The following XKR4 variants were observed in gnomAD, a reference collection of about 807,000 sequenced individuals.
XKR4 encodes XK-related protein 4.
A neutral mutation model predicts 53.9 loss-of-function variants in XKR4; 12 were observed. The ratio of observed to expected loss-of-function variants is 0.22; its 90% confidence interval spans 0.14 to 0.36. XKR4 has a LOEUF of 0.36. Ranked by LOEUF, XKR4 falls within the 10% of genes least tolerant of loss-of-function variation. The probability of loss-of-function intolerance (pLI) is 1.00; values close to 1 mark genes in which losing one functional copy is unlikely to be tolerated. For synonymous variants in XKR4, 354 were observed against 362.4 expected, an observed-to-expected ratio of 0.98 and a Z score of 0.26; for missense variants, 799 against 859.5, an observed-to-expected ratio of 0.93 and a Z score of 0.88.
At chr8:55,164,559 C>A in intron 1 of XKR4, 1 of 406,122 alleles carries the variant, frequency 2.5e-6, no homozygotes. Flanking sequence ...GAGGGTAGTG[C>A]TTATGGGCAA....
chr8:55,470,046 G>A (rs1005775494), intron 2 of XKR4, among the ~76,000 whole-genome samples: 1 of 152,098 alleles, frequency 6.6e-6, no homozygotes, highest in Non-Finnish European at 1.5e-5. Flanking sequence ...ACACAAAGGA[G>A]GAGGTACTCA....
In XKR4 at chr8:55,523,912, A is replaced by G; in HGVS notation, c.1638A>G (p.Leu546=). ...CCCCAGACGTGGCCACAAGCACCCT[A>G]CGGTCCATCTCCAACAACCGCAGTG... is the stretch of plus-strand genomic sequence containing the variant. ...TLPPDVATST[L]RSISNNRSVV... Residue 546 remains leucine (L), a synonymous_variant, in exon 3 of 3, where the codon CTA becomes CTG. Transcript: ENST00000327381. 1.2e-6 allele frequency: 2 copies of G among 1,614,128 alleles called. No homozygotes were observed.
intron 2 of XKR4, among the ~76,000 whole-genome samples, chr8:55,504,079 C>T (rs1001529665): frequency 4.6e-5 from 7 of 151,908 alleles, no homozygotes; most frequent in East Asian, 1.9e-4. Flanking sequence ...GTACAAAATC[C>T]GTTTAATATG....
rs553268075 is a variant in XKR4 at position 55,141,860 on chromosome 8, G to A, written c.806+38566G>A. Among the ~76,000 whole-genome samples the A allele has an allele frequency of 4.7e-3, 719 of 152,122 alleles. 4 individuals are homozygous for A. The highest frequency in any genetic ancestry group is 7.7e-3 in the Non-Finnish European group (523 of 67,998). On this transcript the variant is annotated intron_variant, in intron 1 of 2. Transcript: ENST00000327381. ...GGGCTTTGAATCAAGCAGCTCTAAG[G>A]GGCATAGAGGGGTGGGGGGTCCCGT...
At chr8:55,299,474 T>A (rs964828481) in intron 1 of XKR4, among the ~76,000 whole-genome samples, 3 of 152,156 alleles carry the variant, frequency 2.0e-5, no homozygotes, top group Admixed American at 6.6e-5. Context: ...GCATTGGGGA[T>A]CACTGGGGAA....
chr8:55,333,075 A>T (rs1309519079), intron 1 of XKR4, among the ~76,000 whole-genome samples: 1 of 151,896 alleles, frequency 6.6e-6, no homozygotes, highest in Non-Finnish European at 1.5e-5. Flanking sequence ...CTTTTTAAAA[A>T]TTTTATTTCT....
intron 1 of XKR4, among the ~76,000 whole-genome samples, chr8:55,299,105 G>C (rs370550680): frequency 6.6e-6 from 1 of 152,012 alleles, no homozygotes; most frequent in African/African-American, 2.4e-5. Flanking sequence ...TGTCTCTTTC[G>C]TTTTCGTCAG....
chr8:55,145,110 G>A (rs1353077126), intron 1 of XKR4, among the ~76,000 whole-genome samples: 1 of 152,148 alleles, frequency 6.6e-6, no homozygotes, highest in Non-Finnish European at 1.5e-5. Context: ...GGGATTATAG[G>A]TGTGAGCCAC....
chr8:55,270,744 A>T (rs1307383999), intron 1 of XKR4, among the ~76,000 whole-genome samples: 1 of 152,216 alleles, frequency 6.6e-6, no homozygotes, highest in African/African-American at 2.4e-5. Flanking sequence ...TTATCCTCAC[A>T]GGTAGCAGAG....
intron 2 of XKR4, among the ~76,000 whole-genome samples, chr8:55,473,803 CTTCCTTCTTTCCTCCCTTCT>C (rs1419155698): frequency 2.6e-5 from 4 of 151,172 alleles, no homozygotes; most frequent in Admixed American, 6.6e-5. Context: ...TCCTTCCTTC[CTTCCTTCTTTCCTCCCTTCT>C]TTCCTTCTTT....
In XKR4 at chr8:55,208,615, C is replaced by T. The variant is rs182778253; in HGVS notation, c.806+105321C>T. Among the ~76,000 whole-genome samples the T allele has an allele frequency of 2.4e-3, 361 of 152,000 alleles. 2 individuals carry two copies. The East Asian group carries it at 0.037, about 15-fold the overall frequency. On this transcript the variant is annotated intron_variant, in intron 1 of 2. Coordinates refer to ENST00000327381, the MANE Select transcript of XKR4 (RefSeq NM_052898.2). Reference sequence around the variant, plus strand: ...CCAAGTAGCTAGGAGTACAGGCGCCCACCACCACACCCAGCTAATTTTTGT... The same window carrying T: ...CCAAGTAGCTAGGAGTACAGGCGCCTACCACCACACCCAGCTAATTTTTGT...
chr8:55,134,474 G>T (rs1020953867), intron 1 of XKR4, among the ~76,000 whole-genome samples: 2 of 152,202 alleles, frequency 1.3e-5, no homozygotes, highest in African/African-American at 4.8e-5. Context: ...AGAAGGCAGA[G>T]AAAAAGTCAA....
At chr8:55,414,453 T>G (rs1164159072) in intron 2 of XKR4, among the ~76,000 whole-genome samples, 1 of 151,174 alleles carries the variant, frequency 6.6e-6, no homozygotes, top group Non-Finnish European at 1.5e-5. Flanking sequence ...AAGCCACAGT[T>G]TGTTTCATAT....
At chr8:55,327,601 T>C (rs1053339781) in intron 1 of XKR4, among the ~76,000 whole-genome samples, 1 of 152,252 alleles carries the variant, frequency 6.6e-6, no homozygotes, top group Non-Finnish European at 1.5e-5. Flanking sequence ...TTCAAGGTTG[T>C]ATTTTGCTGG....
intron 1 of XKR4, among the ~76,000 whole-genome samples, chr8:55,312,257 C>T (rs1192776498): frequency 6.6e-6 from 1 of 151,708 alleles, no homozygotes; most frequent in Admixed American, 6.6e-5. Context: ...ATATTTCTAT[C>T]AATAGAGGTT....
At chr8:55,346,685 A>ATGTATGTGTGTGTGTG (rs1803648472) in intron 1 of XKR4, among the ~76,000 whole-genome samples, 3 of 138,396 alleles carry the variant, frequency 2.2e-5, no homozygotes, top group African/African-American at 8.2e-5. Flanking sequence ...TGTTGAGGTT[A>ATGTATGTGTGTGTGTG]TGTGTGTGTG....
At position 55,389,410 on chromosome 8, in the gene XKR4, C is replaced by T. The variant is rs534140138; in HGVS notation, c.1006+31533C>T. Among the ~76,000 whole-genome samples the T allele has an allele frequency of 9.4e-4, 143 of 152,106 alleles. 4 individuals carry two copies. Among genetic ancestry groups the T allele is most frequent in the Admixed American group, 1.0e-3 (16 of 15,290 alleles). ...CAGAATTTATATAATGTTCAGAAGG[C>T]CCCAGATTATTATAAAACTAATATT... On this transcript the variant is annotated intron_variant, in intron 2 of 2. Coordinates refer to ENST00000327381, the MANE Select transcript of XKR4 (RefSeq NM_052898.2).
intron 2 of XKR4, among the ~76,000 whole-genome samples, chr8:55,383,533 G>T (rs1316526806): frequency 6.6e-6 from 1 of 152,178 alleles, no homozygotes; most frequent in African/African-American, 2.4e-5. Flanking sequence ...TGGGTGTTTG[G>T]CTTTTAATTT....
chr8:55,348,021 C>T (rs893539480), intron 1 of XKR4, among the ~76,000 whole-genome samples: 1 of 152,178 alleles, frequency 6.6e-6, no homozygotes, highest in Non-Finnish European at 1.5e-5. Flanking sequence ...ACCTAGCCCC[C>T]AGCCTGGATT....
Sources: allele counts gnomAD v4.1 joint callset (sites outside exome capture counted in the v4.1 genomes callset), GRCh38; gene constraint gnomAD v4.1.1; transcripts MANE v1.5; gene names NCBI Gene and HGNC (gene_info 2026-07-23, HGNC 2026-07-21).